Variants in PIP5K1C observed in about 807,000 individuals in gnomAD.
PIP5K1C encodes phosphatidylinositol 4-phosphate 5-kinase type-1 gamma.
Under a neutral mutation model 80.1 loss-of-function variants are expected in PIP5K1C, and 45 were observed. The ratio of observed to expected loss-of-function variants is 0.56; its 90% CI spans 0.44 to 0.72. PIP5K1C has a LOEUF of 0.72. PIP5K1C is among the 30% of genes least tolerant of loss of function. The pLI is 0.00. For synonymous variants in PIP5K1C, 498 were observed against 420.1 expected, an observed-to-expected ratio of 1.19 and a Z score of -2.27; for missense variants, 753 against 954.6, an observed-to-expected ratio of 0.79 and a Z score of 2.78.
intron 1 of PIP5K1C, among the ~76,000 whole-genome samples, chr19:3,682,357 G>A (rs28509216): frequency 0.19 from 26,736 of 143,810 alleles, 2,781 homozygotes; most frequent in African/African-American, 0.28. Context: ...CTGGACAACA[G>A]AGCAAGACTC....
rs1359661877 is a variant in PIP5K1C, at chr19:3,688,172, C to A, written c.94+12125G>T. 6.6e-6 allele frequency among the ~76,000 whole-genome samples: 1 copy of A among 152,224 alleles called. No homozygotes were observed. The highest frequency in any genetic ancestry group is 2.4e-5 in the African/African-American group (1 of 41,464). On this transcript the variant is annotated intron_variant, in intron 1 of 17. Coordinates refer to ENST00000335312, the MANE Select transcript of PIP5K1C (RefSeq NM_012398.3). This position sits in a 1 kb window ranked among gnomAD's most constrained non-coding sequence, Gnocchi z 5.3. ...AGGGTCTGCGCGTGGTCCCCACCTCCTTGCGCGCTCCGTCTCCAGCACAGC... is the reference window on the plus strand; with the variant it reads ...AGGGTCTGCGCGTGGTCCCCACCTCATTGCGCGCTCCGTCTCCAGCACAGC...
In PIP5K1C at chr19:3,653,343, G is replaced by C. The variant is rs2034516858; in HGVS notation, c.868C>G (p.Leu290Val). 6.2e-7 allele frequency: 1 copy of C among 1,611,616 alleles called. No homozygotes were observed. The highest frequency in any genetic ancestry group is 8.5e-7 in the Non-Finnish European group (1 of 1,180,006). Residue 290 changes from leucine (L) to valine (V), a missense_variant, in exon 7 of 18, where the codon CTG becomes GTG. Around this residue, in one of 6 missense-constraint regions of PIP5K1C, gnomAD observed 105 missense variants for 133.4 expected, o/e 0.79. Coordinates refer to ENST00000335312, the MANE Select transcript of PIP5K1C (RefSeq NM_012398.3). ...AGGGCGCTGAAGGTGTCGGCGTCCAGCAGGAGCCCCTCGGGCATGTCCTGC... is the reference window on the plus strand; with the variant it reads ...AGGGCGCTGAAGGTGTCGGCGTCCACCAGGAGCCCCTCGGGCATGTCCTGC... ...FMQDMPEGLL[L>V]DADTFSALVK...
chr19:3,674,193 G>A (rs1437634668), intron 1 of PIP5K1C: 6 of 152,146 alleles, frequency 3.9e-5, no homozygotes, highest in African/African-American at 9.7e-5. Flanking sequence ...TGCCACTGCC[G>A]ACCACAGCCA....
intron 6 of PIP5K1C, among the ~76,000 whole-genome samples, chr19:3,656,031 A>ACCCTTGGGC (rs1410323673): frequency 9.9e-5 from 15 of 152,130 alleles, no homozygotes; most frequent in Non-Finnish European, 1.5e-4. Flanking sequence ...CCTCTGAGTC[A>ACCCTTGGGC]CCCTTGGGCC....
intron 1 of PIP5K1C, among the ~76,000 whole-genome samples, chr19:3,697,596 G>A (rs1316235844): frequency 6.6e-6 from 1 of 152,216 alleles, no homozygotes; most frequent in Non-Finnish European, 1.5e-5. Flanking sequence ...CAGTTCTGAA[G>A]GTGAAGCTGC....
At chr19:3,687,836 T>A (rs2035811564) in intron 1 of PIP5K1C, among the ~76,000 whole-genome samples, 1 of 151,836 alleles carries the variant, frequency 6.6e-6, no homozygotes, top group African/African-American at 2.4e-5. Context: ...CCGCAGCAGG[T>A]GGGCGGGCAG....
At position 3,632,121 on chromosome 19, in the gene PIP5K1C, C is replaced by A. The variant is rs2033487754; in HGVS notation, c.*1046G>T. On this transcript the variant is annotated 3_prime_UTR_variant, in exon 18 of 18. Transcript: ENST00000335312. ...TGATGAGTCGGAAACAAAGTCTTCT[C>A]TCCCCTCCTCGGAGACATCACATCA... 6.6e-6 allele frequency: 1 copy of A among 152,310 alleles called. No individual in the cohort carries two copies. The highest frequency in any genetic ancestry group is 1.5e-5 in the Non-Finnish European group (1 of 68,076). 9.4% of individuals were successfully genotyped at this position (152,310 alleles called of 1,614,324 possible).
At chr19:3,653,961 T>C (rs1205795324) in intron 6 of PIP5K1C, among the ~76,000 whole-genome samples, 1 of 152,150 alleles carries the variant, frequency 6.6e-6, no homozygotes, top group Non-Finnish European at 1.5e-5. Flanking sequence ...AATACATACA[T>C]GTATGTATAT....
chr19:3,656,346 C>T, intron 6 of PIP5K1C, 59 bp downstream of exon 6: 2 of 1,593,268 alleles, frequency 1.3e-6, no homozygotes. Context: ...TCTGCTCCCG[C>T]CAGCCGGGAG....
At chr19:3,700,195 C>T (rs986243304) in intron 1 of PIP5K1C, 102 bp downstream of exon 1, 12 of 628,532 alleles carry the variant, frequency 1.9e-5, no homozygotes, top group Admixed American at 5.6e-5. Flanking sequence ...CGGCGGCGCC[C>T]CCGCAGCGAC....
At chr19:3,690,903 G>A (rs961124534) in intron 1 of PIP5K1C, among the ~76,000 whole-genome samples, 4 of 152,164 alleles carry the variant, frequency 2.6e-5, no homozygotes, top group East Asian at 1.9e-4. Context: ...GGTGGAGGTC[G>A]GGGCCACGGA....
intron 1 of PIP5K1C, among the ~76,000 whole-genome samples, chr19:3,700,014 C>T (rs958853565): frequency 6.6e-6 from 1 of 152,170 alleles, no homozygotes; most frequent in East Asian, 1.9e-4. Context: ...ACGGGCAGCC[C>T]CTGGGAGCGG....
At position 3,660,779 on chromosome 19, in the gene PIP5K1C, G is replaced by A. The variant is rs1345352236; in HGVS notation, c.468+187C>T. Among the ~76,000 whole-genome samples the A allele has an allele frequency of 2.0e-5, 3 of 152,106 alleles. No homozygotes were observed. In the East Asian group the frequency reaches 5.8e-4, roughly 29 times the overall value. ...GGAGTCCTGCAGCTGCCAGTGATGTGAGCTTGGAGGCCGATCTCTCCTGCT... is the reference window on the plus strand; with the variant it reads ...GGAGTCCTGCAGCTGCCAGTGATGTAAGCTTGGAGGCCGATCTCTCCTGCT... On this transcript the variant is annotated intron_variant, in intron 5 of 17. Coordinates refer to ENST00000335312, the MANE Select transcript of PIP5K1C (RefSeq NM_012398.3).
chr19:3,684,763 T>C (rs960910873), intron 1 of PIP5K1C, among the ~76,000 whole-genome samples: 2 of 152,182 alleles, frequency 1.3e-5, no homozygotes, highest in Non-Finnish European at 2.9e-5. Context: ...ACCCGGCACG[T>C]AGGGCCCAGG....
chr19:3,648,710 T>C lies in PIP5K1C; in HGVS notation c.1128-2A>G, dbSNP rs1362302152. 1 of 1,612,660 alleles carries C rather than the reference T, an allele frequency of 6.2e-7. No individual in the cohort carries two copies. Among genetic ancestry groups the C allele is most frequent in the Non-Finnish European group, 8.5e-7 (1 of 1,179,638 alleles). On this transcript the variant is annotated splice_acceptor_variant, in intron 8 of 17. Coordinates refer to ENST00000335312, the MANE Select transcript of PIP5K1C (RefSeq NM_012398.3). LOFTEE classifies it high-confidence loss of function. This position sits in a 1 kb window ranked among gnomAD's most constrained non-coding sequence, Gnocchi z 4.3. ...TTCACAGCGGGGATCCCGCCCATCC[T>C]GGGGAGAGAGGCCGAGGGTACCATC...
Position 3,632,839 on chromosome 19 carries a change from CTGGT to C in PIP5K1C, c.*324_*327del, listed in dbSNP as rs1486616756. ...GCAGTGGGCAGGGGCTCTTCTCCCT[CTGGT>C]TGGTTTGTTTGTGTCTTTTTTGTTC... On this transcript the variant is annotated 3_prime_UTR_variant, in exon 18 of 18. Coordinates refer to ENST00000335312, the MANE Select transcript of PIP5K1C (RefSeq NM_012398.3). The C allele has an allele frequency of 3.5e-5, 13 of 372,614 alleles. No individual in the cohort carries two copies. The highest frequency in any genetic ancestry group is 5.3e-5 in the Non-Finnish European group (11 of 207,506). 23.1% of individuals were successfully genotyped at this position (372,614 alleles called of 1,614,324 possible). A position where few individuals can be genotyped will look rare whatever the true frequency, so the allele number is the denominator to read the frequency against.
chr19:3,683,247 C>T (rs992742348), intron 1 of PIP5K1C, among the ~76,000 whole-genome samples: 4 of 152,210 alleles, frequency 2.6e-5, no homozygotes, highest in Non-Finnish European at 4.4e-5. Flanking sequence ...GCAGACAGCA[C>T]GAGCCTGGCA....
intron 7 of PIP5K1C, among the ~76,000 whole-genome samples, chr19:3,652,895 G>A (rs906486297): frequency 6.6e-5 from 10 of 152,160 alleles, no homozygotes; most frequent in African/African-American, 1.9e-4. Context: ...CACTGTCATC[G>A]TGTAACCTCC....
intron 1 of PIP5K1C, among the ~76,000 whole-genome samples, chr19:3,685,195 T>C (rs1452461035): frequency 1.3e-5 from 2 of 152,314 alleles, no homozygotes; most frequent in Admixed American, 1.3e-4. Context: ...CAGGGGGTCC[T>C]CACACGGCTG....
Sources: gnomAD v4.1 joint callset for allele counts (sites outside exome capture counted in the v4.1 genomes callset) on GRCh38, gnomAD v4.1.1 for gene constraint, gnomAD v4.1.1 regional missense constraint, Gnocchi (gnomAD v3.1) non-coding constraint, MANE v1.5 for transcripts, NCBI Gene and HGNC (gene_info 2026-07-23, HGNC 2026-07-21) for gene names.